Variants in SLC16A14 observed in about 807,000 individuals in gnomAD.
The protein encoded by SLC16A14 is monocarboxylate transporter 14.
In SLC16A14, 14 loss-of-function variants were observed where a neutral mutation model predicts 35.8. The observed-to-expected ratio is 0.39, with a 90% CI of 0.26 to 0.61. The LOEUF (loss-of-function observed/expected upper bound fraction) is 0.61. Among genes scored for constraint, SLC16A14 ranks in the 20% least tolerant of loss-of-function variants. SLC16A14 has a pLI of 0.51. For missense variants in SLC16A14, 533 were observed against 655.0 expected (o/e 0.81, Z 2.03); for synonymous variants, 248 against 258.9 (o/e 0.96, Z 0.40).
Position 230,059,258 on chromosome 2 carries a change from C to T in SLC16A14, c.95G>A (p.Trp32Ter). Reference sequence around the variant, plus strand: ...AGAGGAGAGCACCATCATCCAAGCCCATCCGCCATCAATGTTTGGGTGGGG... The same window carrying T: ...AGAGGAGAGCACCATCATCCAAGCCTATCCGCCATCAATGTTTGGGTGGGG... ...LKPHPNIDGG[W>*]AWMMVLSSFF... The change falls in exon 2 of 5, where the codon TGG becomes TAG. Residue 32 changes from tryptophan to a stop codon, truncating the protein, a stop_gained. Transcript: ENST00000295190. LOFTEE classifies it high-confidence loss of function. 6.2e-7 allele frequency: 1 copy of T among 1,614,138 alleles called. No homozygotes were observed. Among genetic ancestry groups the T allele is most frequent in the South Asian group, 1.1e-5 (1 of 91,072 alleles).
intron 1 of SLC16A14, chr2:230,066,785 C>G: frequency 9.1e-6 from 3 of 328,726 alleles, no homozygotes; most frequent in South Asian, 6.8e-5. Flanking sequence ...CAGGTGTGTG[C>G]CACTGCATCT....
intron 1 of SLC16A14, among the ~76,000 whole-genome samples, chr2:230,064,306 GTGTGTGTATGTGTGTGTGTGTGTGTC>G (rs1489971648): frequency 6.6e-6 from 1 of 150,922 alleles, no homozygotes; most frequent in African/African-American, 2.4e-5. Context: ...GTGTGTGTGT[GTGTGTGTATGTGTGTGTGTGTGTGTC>G]TGTGTATGCA....
At chr2:230,067,054 G>T (rs1017706472) in intron 1 of SLC16A14, 3 of 171,112 alleles carry the variant, frequency 1.8e-5, no homozygotes, top group Non-Finnish European at 2.5e-5. Context: ...CGCAGAGCGT[G>T]GTGGTAGCGG....
In SLC16A14 at chr2:230,052,869, T is replaced by C. The variant is rs74268357; in HGVS notation, c.260-2965A>G. Among the ~76,000 whole-genome samples, 5 of 136,398 alleles carry C rather than the reference T, an allele frequency of 3.7e-5. No homozygotes were observed. The Admixed American group carries it at 3.7e-4, about 10-fold the overall frequency. The allele number at this position is 136,398 out of a possible 152,430, so 89.5% of individuals were successfully genotyped here. On this transcript the variant is annotated intron_variant, in intron 2 of 4. Transcript: ENST00000295190. ...AAATATATGTACATTGAAAAAAAAA[T>C]AAAAACCCAAGCTTTTTGACTCTCA...
chr2:230,068,188 T>C lies in SLC16A14; in HGVS notation c.-15+367A>G, dbSNP rs1416133680. The C allele has an allele frequency of 6.6e-6, 1 of 152,376 alleles. No homozygotes were observed. Among genetic ancestry groups the C allele is most frequent in the Non-Finnish European group, 1.5e-5 (1 of 68,156 alleles). 9.4% of individuals were successfully genotyped at this position (152,376 alleles called of 1,614,324 possible). A position where few individuals can be genotyped will look rare whatever the true frequency, so the allele number is the denominator to read the frequency against. On this transcript the variant is annotated intron_variant, in intron 1 of 4. Transcript: ENST00000295190. The surrounding 1 kb of genome is among the most constrained non-coding windows in gnomAD (Gnocchi z 5.1). ...CTAGAGAGCAGCCGGGCAGCGAGGC[T>C]GGGCTCCGGGCAGAACGCGCTTCTC...
In SLC16A14 at chr2:230,036,694, A is replaced by T. The variant is rs1343541278; in HGVS notation, c.*686T>A. The stretch of plus-strand genomic sequence containing the variant: ...AATCATTACTGTTATTTCTTTGTTA[A>T]GGTTTTGTCTCAAGATTCCATTTAT... On this transcript the variant is annotated 3_prime_UTR_variant, in exon 5 of 5. Coordinates refer to ENST00000295190, the MANE Select transcript of SLC16A14 (RefSeq NM_152527.5). 6.6e-6 allele frequency: 1 copy of T among 152,218 alleles called. No individual in the cohort carries two copies. Among genetic ancestry groups the T allele is most frequent in the Non-Finnish European group, 1.5e-5 (1 of 68,040 alleles). The allele number at this position is 152,218 out of a possible 1,614,324, so 9.4% of individuals were successfully genotyped here. A position where few individuals can be genotyped will look rare whatever the true frequency, so the allele number is the denominator to read the frequency against.
At chr2:230,055,366 G>A (rs1056320845) in intron 2 of SLC16A14, among the ~76,000 whole-genome samples, 1 of 152,152 alleles carries the variant, frequency 6.6e-6, no homozygotes, top group Middle Eastern at 3.2e-3. Flanking sequence ...TTGGGATAAT[G>A]GACAATAATT....
rs1560473694 is a variant in SLC16A14, at chr2:230,046,454, T to C, written c.672A>G (p.Lys224=). Residue 224 remains lysine, a synonymous_variant, in exon 4 of 5, where the codon AAA becomes AAG. Coordinates refer to ENST00000295190, the MANE Select transcript of SLC16A14 (RefSeq NM_152527.5). This position sits in a 1 kb window ranked among gnomAD's most constrained non-coding sequence, Gnocchi z 5.0. ...AGTGCGCTGGCAGGCCACGCACATC[T>C]TTCTCTCCTGGGTCGTTTGGGTTTT... ...PGKNPNDPGE[K]DVRGLPAHST... The C allele has an allele frequency of 1.2e-6, 2 of 1,614,176 alleles. No homozygotes were observed. Among genetic ancestry groups the C allele is most frequent in the Admixed American group, 1.7e-5 (1 of 60,028 alleles).
At chr2:230,050,175 A>G (rs553900833) in intron 2 of SLC16A14, among the ~76,000 whole-genome samples, 1 of 152,370 alleles carries the variant, frequency 6.6e-6, no homozygotes, top group East Asian at 1.9e-4. Context: ...CCAGTGGTCT[A>G]GGAGCTATCT....
chr2:230,038,783 T>C lies in SLC16A14; in HGVS notation c.1382-1252A>G, dbSNP rs1048592643. Among the ~76,000 whole-genome samples the C allele has an allele frequency of 5.3e-5, 8 of 151,992 alleles. No individual in the cohort carries two copies. In the East Asian group the frequency reaches 1.3e-3, roughly 26 times the overall value. On this transcript the variant is annotated intron_variant, in intron 4 of 4. Coordinates refer to ENST00000295190, the MANE Select transcript of SLC16A14 (RefSeq NM_152527.5). The surrounding 1 kb of genome is among the most constrained non-coding windows in gnomAD (Gnocchi z 4.4). ...TTAGCTGGGTGTGGTGGTGCATGTCTATAATCCCAGCTACCCAGGAGGCTG... is the reference window on the plus strand; with the variant it reads ...TTAGCTGGGTGTGGTGGTGCATGTCCATAATCCCAGCTACCCAGGAGGCTG...
At position 230,037,512 on chromosome 2, in the gene SLC16A14, C is replaced by G; in HGVS notation, c.1401G>C (p.Thr467=). The change falls in exon 5 of 5, where the codon ACG becomes ACC. Residue 467 remains threonine (T), a synonymous_variant. Coordinates refer to ENST00000295190, the MANE Select transcript of SLC16A14 (RefSeq NM_152527.5). Reference sequence around the variant, plus strand: ...TGTAGAAGGAAAAATCATATTTTTGCGTGATGTCATAGATCCACCCTACAA... The same window carrying G: ...TGTAGAAGGAAAAATCATATTTTTGGGTGATGTCATAGATCCACCCTACAA... ...PPFAGWIYDI[T]QKYDFSFYIC... The G allele has an allele frequency of 6.2e-7, 1 of 1,608,020 alleles. No homozygotes were observed.
At chr2:230,040,831 A>G (rs1436862045) in intron 4 of SLC16A14, among the ~76,000 whole-genome samples, 2 of 152,188 alleles carry the variant, frequency 1.3e-5, no homozygotes, top group Non-Finnish European at 2.9e-5. Flanking sequence ...TTAAATTCAA[A>G]CCCAGTCGGA....
chr2:230,067,525 T>C (rs2077808929), intron 1 of SLC16A14, among the ~76,000 whole-genome samples: 1 of 143,640 alleles, frequency 7.0e-6, no homozygotes, highest in African/African-American at 2.6e-5. Context: ...ACTGCCTCTC[T>C]CCCCTCTCTT....
At chr2:230,049,236 AT>A (rs11420320) in intron 3 of SLC16A14, among the ~76,000 whole-genome samples, 21 of 141,534 alleles carry the variant, frequency 1.5e-4, no homozygotes, top group South Asian at 2.2e-4. Flanking sequence ...CACTTGGCTA[AT>A]TTTTTTTTTT....
At chr2:230,067,542 C>A (rs1190700956) in intron 1 of SLC16A14, among the ~76,000 whole-genome samples, 1 of 30,722 alleles carries the variant, frequency 3.3e-5, no homozygotes, top group African/African-American at 7.5e-5. Flanking sequence ...TCTTCTCTCT[C>A]TCTCTCTCTC....
intron 4 of SLC16A14, 198 bp downstream of exon 4, chr2:230,045,547 G>A (rs760902289): frequency 1.7e-4 from 107 of 619,154 alleles, no homozygotes; most frequent in Non-Finnish European, 2.5e-4. Flanking sequence ...GCGATAGAGC[G>A]AGACTCCGTC....
rs555899268 is a variant in SLC16A14, at chr2:230,046,267, T to C, written c.859A>G (p.Ser287Gly). The stretch of plus-strand genomic sequence containing the variant: ...TTCCTGACTCTCATGGTGAGCCAGC[T>C]GACAGTCTTCAGAATCCGGAGGGCA... The part of the protein sequence containing the change: ...MCALRILKTV[S>G]WLTMRVRKGF... The change falls in exon 4 of 5, where the codon AGC becomes GGC. Residue 287 changes from serine (S) to glycine (G), a missense_variant. Coordinates refer to ENST00000295190, the MANE Select transcript of SLC16A14 (RefSeq NM_152527.5). The surrounding 1 kb of genome is among the most constrained non-coding windows in gnomAD (Gnocchi z 5.0). 2 of 1,614,200 alleles carry C rather than the reference T, an allele frequency of 1.2e-6. No homozygotes were observed. Among genetic ancestry groups the C allele is most frequent in the African/African-American group, 2.7e-5 (2 of 75,058 alleles).
At chr2:230,047,458 G>A (rs1362121686) in intron 3 of SLC16A14, among the ~76,000 whole-genome samples, 2 of 151,800 alleles carry the variant, frequency 1.3e-5, no homozygotes, top group Non-Finnish European at 2.9e-5. Context: ...GACTATCACC[G>A]TGTGTGGCTA....
At chr2:230,062,589 A>G (rs529218707) in intron 1 of SLC16A14, among the ~76,000 whole-genome samples, 131 of 152,052 alleles carry the variant, frequency 8.6e-4, no homozygotes, top group Middle Eastern at 6.8e-3. Flanking sequence ...CCTGCTTTGC[A>G]ATCCCAAAGT....
Sources: allele counts gnomAD v4.1 joint callset (sites outside exome capture counted in the v4.1 genomes callset), GRCh38; gene constraint gnomAD v4.1.1; non-coding constraint Gnocchi (gnomAD v3.1); transcripts MANE v1.5; gene names NCBI Gene and HGNC (gene_info 2026-07-23, HGNC 2026-07-21).